PRKACB: variants seen among roughly 807,000 people sequenced by gnomAD.
PRKACB encodes cAMP-dependent protein kinase catalytic subunit beta.
Under a neutral mutation model 51.4 loss-of-function variants are expected in PRKACB, and 16 were observed. The observed-to-expected ratio is 0.31, with a 90% CI of 0.21 to 0.47. The LOEUF (loss-of-function observed/expected upper bound fraction) is 0.47, where lower values mean the gene tolerates loss of function less well. Ranked by LOEUF, PRKACB falls within the 20% of genes least tolerant of loss-of-function variation. PRKACB has a pLI of 1.00. For missense variants in PRKACB, 309 were observed against 464.5 expected (o/e 0.67, Z 3.08); for synonymous variants, 147 against 154.4 (o/e 0.95, Z 0.35).
chr1:84,095,725 C>T (rs577411090), intron 1 of PRKACB, among the ~76,000 whole-genome samples: 2 of 151,832 alleles, frequency 1.3e-5, no homozygotes, highest in South Asian at 2.1e-4. Context: ...GCCTCTATCC[C>T]GTCTTTTCTT....
chr1:84,225,116 C>G (rs1202724010), intron 9 of PRKACB, among the ~76,000 whole-genome samples: 5 of 152,152 alleles, frequency 3.3e-5, no homozygotes, highest in African/African-American at 9.7e-5. Context: ...GTCCTCAGGC[C>G]CCTATTGGTG....
intron 1 of PRKACB, among the ~76,000 whole-genome samples, chr1:84,138,374 A>G (rs1191632972): frequency 6.6e-6 from 1 of 152,200 alleles, no homozygotes; most frequent in Admixed American, 6.5e-5. Context: ...TAAAAGAGTA[A>G]TGTGTACATT....
intron 8 of PRKACB, chr1:84,204,502 C>G: frequency 6.2e-7 from 1 of 1,602,524 alleles, no homozygotes; most frequent in Non-Finnish European, 8.5e-7. Context: ...ATGAACAAAA[C>G]AAAACTTTGA....
At chr1:84,161,271 T>C (rs1441653791) in intron 1 of PRKACB, among the ~76,000 whole-genome samples, 2 of 151,900 alleles carry the variant, frequency 1.3e-5, no homozygotes, top group African/African-American at 4.8e-5. Context: ...CTAATATTGA[T>C]ATAGGCATTC....
chr1:84,080,114 G>A (rs559141310), intron 1 of PRKACB, among the ~76,000 whole-genome samples: 1 of 152,216 alleles, frequency 6.6e-6, no homozygotes, highest in South Asian at 2.1e-4. Context: ...CATGCTAATT[G>A]TGTTACAAAA....
intron 1 of PRKACB, among the ~76,000 whole-genome samples, chr1:84,145,489 A>C (rs1653932373): frequency 1.3e-5 from 2 of 152,136 alleles, no homozygotes; most frequent in Non-Finnish European, 2.9e-5. Flanking sequence ...CAGCAAAATC[A>C]AGAATGGCTT....
upstream of PRKACB, among the ~76,000 whole-genome samples, chr1:84,142,707 T>C (rs1283942339): frequency 1.3e-5 from 2 of 152,212 alleles, no homozygotes; most frequent in African/African-American, 2.4e-5. Context: ...CATAAAGCTA[T>C]AAATTTAAGT....
chr1:84,105,190 ATC>A (rs1649637160), intron 1 of PRKACB, among the ~76,000 whole-genome samples: 2 of 152,276 alleles, frequency 1.3e-5, no homozygotes, highest in South Asian at 4.1e-4. Flanking sequence ...TTTCAACTGA[ATC>A]TCTCACTGCA....
intron 5 of PRKACB, among the ~76,000 whole-genome samples, chr1:84,192,937 T>A (rs977404688): frequency 3.3e-5 from 5 of 152,102 alleles, no homozygotes; most frequent in Admixed American, 2.6e-4. Flanking sequence ...AGGTGCTGAA[T>A]ACACAAGGCC....
chr1:84,078,286 C>G (rs1403087078), exon 1 of PRKACB: 1 of 1,580,614 alleles, frequency 6.3e-7, no homozygotes, highest in African/African-American at 1.3e-5. Context: ...GCCCCAGCCC[C>G]CCTTCCCTTC....
intron 9 of PRKACB, among the ~76,000 whole-genome samples, chr1:84,229,521 T>G (rs1352536317): frequency 1.2e-4 from 17 of 144,572 alleles, no homozygotes; most frequent in Non-Finnish European, 2.1e-4. Flanking sequence ...ACTTCCACAA[T>G]GGTTGAACTA....
At chr1:84,204,021 T>C (rs1040317049) in intron 8 of PRKACB, among the ~76,000 whole-genome samples, 2 of 151,998 alleles carry the variant, frequency 1.3e-5, no homozygotes, top group Non-Finnish European at 2.9e-5. Context: ...TAATTTATTT[T>C]TTTTGCCAAC....
intron 1 of PRKACB, among the ~76,000 whole-genome samples, chr1:84,106,418 A>G (rs1179008430): frequency 6.6e-6 from 1 of 152,220 alleles, no homozygotes; most frequent in Non-Finnish European, 1.5e-5. Flanking sequence ...GTTTCAGGAT[A>G]CAAATAAATA....
At position 84,182,334 on chromosome 1, in the gene PRKACB, T is replaced by A. The variant is rs774750660; in HGVS notation, c.378+6T>A. 1.3e-6 allele frequency: 2 copies of A among 1,527,284 alleles called. No homozygotes were observed. The highest frequency in any genetic ancestry group is 1.8e-6 in the Non-Finnish European group (2 of 1,137,488). The allele number at this position is 1,527,284 out of a possible 1,614,324, so 94.6% of individuals were successfully genotyped here. A position where few individuals can be genotyped will look rare whatever the true frequency, so the allele number is the denominator to read the frequency against. ...AGATCTTAGATAAGCAGAAGGTGAG[T>A]GTATTTGTTGTTATTTACCTTCAGG... On this transcript the variant is annotated splice_donor_region_variant and intron_variant, in intron 3 of 9. Transcript: ENST00000370685.
In PRKACB at chr1:84,148,120, C is replaced by T. The variant is rs190130569; in HGVS notation, c.187+3572C>T. On this transcript the variant is annotated intron_variant, in intron 1 of 9. Transcript: ENST00000370685. ...GACAGTCAGCATGGCAATGAATAGT[C>T]AGATAATGGATTCCTTTTACAACAG... is the stretch of plus-strand genomic sequence containing the variant. 1.4e-3 allele frequency among the ~76,000 whole-genome samples: 217 copies of T among 152,200 alleles called. 1 individual carries two copies. Among genetic ancestry groups the T allele is most frequent in the African/African-American group, 4.8e-3 (199 of 41,554 alleles).
At position 84,200,890 on chromosome 1, in the gene PRKACB, T is replaced by A. The variant is rs377079653; in HGVS notation, c.784-1793T>A. ...TTTTTCACTTTTATAATAACAAGCATGCAAACATCATTCTAATGGCTTGTT... is the reference window on the plus strand; with the variant it reads ...TTTTTCACTTTTATAATAACAAGCAAGCAAACATCATTCTAATGGCTTGTT... On this transcript the variant is annotated intron_variant, in intron 7 of 9. Transcript: ENST00000370685. Among the ~76,000 whole-genome samples, 89 of 152,284 alleles carry A rather than the reference T, an allele frequency of 5.8e-4. 1 individual carries two copies. The South Asian group carries it at 0.018, about 30-fold the overall frequency.
intron 1 of PRKACB, among the ~76,000 whole-genome samples, chr1:84,133,447 T>A (rs973467107): frequency 2.0e-5 from 3 of 152,218 alleles, no homozygotes; most frequent in Non-Finnish European, 1.5e-5. Context: ...TTTATTTTTC[T>A]TATTCCTCAT....
intron 9 of PRKACB, among the ~76,000 whole-genome samples, chr1:84,226,267 GTT>G (rs199877646): frequency 7.5e-5 from 6 of 80,150 alleles, no homozygotes; most frequent in African/African-American, 1.8e-4. Flanking sequence ...TGGTTTGTGG[GTT>G]TTTTGTTTTT....
At chr1:84,134,902 T>C (rs1334567376) in intron 1 of PRKACB, among the ~76,000 whole-genome samples, 1 of 152,202 alleles carries the variant, frequency 6.6e-6, no homozygotes, top group African/African-American at 2.4e-5. Context: ...AGTATGTTGT[T>C]ACTATTGTTA....
Sources: gnomAD v4.1 joint callset for allele counts (sites outside exome capture counted in the v4.1 genomes callset) on GRCh38, gnomAD v4.1.1 for gene constraint, MANE v1.5 for transcripts, NCBI Gene and HGNC (gene_info 2026-07-23, HGNC 2026-07-21) for gene names.